The following RIMS1 variants were observed in gnomAD, a reference collection of about 807,000 sequenced individuals.
RIMS1 encodes regulating synaptic membrane exocytosis 1, also known as regulating synaptic membrane exocytosis protein 1.
Under a neutral mutation model 214.1 loss-of-function variants are expected in RIMS1, and 83 were observed. The ratio of observed to expected loss-of-function variants is 0.39; its 90% CI spans 0.32 to 0.47. RIMS1 has a LOEUF of 0.47. Ranked by LOEUF, RIMS1 falls within the 20% of genes least tolerant of loss-of-function variation. The pLI is 0.99. For missense variants in RIMS1, 2,050 were observed against 2,161.8 expected, an observed-to-expected ratio of 0.95 and a Z score of 1.03; for synonymous variants, 793 against 786.8, an observed-to-expected ratio of 1.01 and a Z score of -0.13.
Position 71,886,803 on chromosome 6 carries a change from G to T in RIMS1, c.-221G>T. The T allele has an allele frequency of 1.7e-6, 1 of 572,884 alleles. No homozygotes were observed. The highest frequency in any genetic ancestry group is 3.0e-6 in the Non-Finnish European group (1 of 327,948). The allele number at this position is 572,884 out of a possible 1,614,324, so 35.5% of individuals were successfully genotyped here. On this transcript the variant is annotated 5_prime_UTR_variant, in exon 1 of 34. It adds an upstream start codon to the 5' untranslated region. Transcript: ENST00000521978. ...GCTTCGCTAGGGCGACCAAAACAAA[G>T]GCAGCATCCGGGGCTGGGTGGATGC... is the stretch of plus-strand genomic sequence containing the variant.
At chr6:72,063,900 G>A (rs541654350) in intron 2 of RIMS1, among the ~76,000 whole-genome samples, 22 of 152,284 alleles carry the variant, frequency 1.4e-4, no homozygotes, top group African/African-American at 4.6e-4. Context: ...TTCCTTCTGA[G>A]GCCTCATTGG....
At chr6:72,077,079 G>T (rs1476013510) in intron 2 of RIMS1, among the ~76,000 whole-genome samples, 1 of 152,108 alleles carries the variant, frequency 6.6e-6, no homozygotes, top group East Asian at 1.9e-4. Context: ...TTCCTGTCCA[G>T]CCTTTGCACG....
At chr6:72,139,713 T>C (rs1344677963) in intron 4 of RIMS1, among the ~76,000 whole-genome samples, 1 of 152,108 alleles carries the variant, frequency 6.6e-6, no homozygotes, top group African/African-American at 2.4e-5. Context: ...TATATATAGT[T>C]CTTTATTTTT....
chr6:71,994,015 C>T (rs542830919), intron 2 of RIMS1, among the ~76,000 whole-genome samples: 29 of 152,238 alleles, frequency 1.9e-4, no homozygotes, highest in Non-Finnish European at 4.1e-4. Flanking sequence ...AAAAATGTAT[C>T]TTTGTGTGAC....
intron 1 of RIMS1, among the ~76,000 whole-genome samples, chr6:71,912,927 A>G (rs1449472464): frequency 6.6e-6 from 1 of 152,156 alleles, no homozygotes; most frequent in East Asian, 1.9e-4. Context: ...CTAAGTAAAA[A>G]CAAATGTGAA....
intron 6 of RIMS1, among the ~76,000 whole-genome samples, chr6:72,218,690 A>T (rs1238582825): frequency 1.3e-5 from 2 of 152,030 alleles, no homozygotes; most frequent in Non-Finnish European, 2.9e-5. Flanking sequence ...AATAGTAGAC[A>T]CCCACCATTA....
chr6:72,353,151 G>GT (rs111652061), intron 29 of RIMS1, among the ~76,000 whole-genome samples: 4 of 151,476 alleles, frequency 2.6e-5, no homozygotes, highest in Non-Finnish European at 5.9e-5. Context: ...CGCTCAGCTA[G>GT]TTTTTTTATT....
At chr6:72,145,591 A>G in intron 4 of RIMS1, among the ~76,000 whole-genome samples, 1 of 152,078 alleles carries the variant, frequency 6.6e-6, no homozygotes, top group East Asian at 1.9e-4. Flanking sequence ...CAGCCTGGTG[A>G]CAGAGTGAGA....
At chr6:72,080,494 C>T (rs1456172137) in intron 2 of RIMS1, among the ~76,000 whole-genome samples, 1 of 152,170 alleles carries the variant, frequency 6.6e-6, no homozygotes, top group Non-Finnish European at 1.5e-5. Flanking sequence ...CTATTACAAA[C>T]ATAGGAGCCA....
At chr6:72,059,349 C>G (rs997941841) in intron 2 of RIMS1, among the ~76,000 whole-genome samples, 1 of 152,152 alleles carries the variant, frequency 6.6e-6, no homozygotes, top group Admixed American at 6.5e-5. Flanking sequence ...TCCTCTGCCT[C>G]CTGAGTAGCT....
At chr6:71,930,846 G>A (rs908871189) in intron 1 of RIMS1, among the ~76,000 whole-genome samples, 3 of 151,974 alleles carry the variant, frequency 2.0e-5, no homozygotes, top group Non-Finnish European at 4.4e-5. Flanking sequence ...GGTCAGGACT[G>A]GAAAAATCAG....
intron 27 of RIMS1, among the ~76,000 whole-genome samples, chr6:72,310,030 A>G (rs183587025): frequency 6.6e-5 from 10 of 152,246 alleles, no homozygotes; most frequent in African/African-American, 2.4e-4. Flanking sequence ...GGCTATAATT[A>G]AGAGCCAGTA....
At chr6:72,099,628 T>C (rs564230139) in intron 3 of RIMS1, among the ~76,000 whole-genome samples, 1 of 152,256 alleles carries the variant, frequency 6.6e-6, no homozygotes, top group East Asian at 1.9e-4. Context: ...AAAATATTTT[T>C]CAATAATAGG....
intron 2 of RIMS1, among the ~76,000 whole-genome samples, chr6:72,023,050 T>C (rs1815225283): frequency 6.6e-6 from 1 of 152,164 alleles, no homozygotes; most frequent in South Asian, 2.1e-4. Flanking sequence ...TGGAAACAGT[T>C]GAGAATTGCA....
chr6:72,394,152 T>C (rs1490575050), intron 31 of RIMS1, among the ~76,000 whole-genome samples: 2 of 152,066 alleles, frequency 1.3e-5, no homozygotes, highest in African/African-American at 2.4e-5. Flanking sequence ...CAAAGCAGCG[T>C]TCAAATTGGG....
intron 4 of RIMS1, among the ~76,000 whole-genome samples, chr6:72,171,006 CAG>C (rs1471460680): frequency 2.0e-5 from 3 of 151,900 alleles, no homozygotes; most frequent in Non-Finnish European, 4.4e-5. Flanking sequence ...TACTGAAGCA[CAG>C]AGAGAAGATA....
chr6:72,322,754 C>T (rs1249473778), intron 28 of RIMS1, among the ~76,000 whole-genome samples: 3 of 151,994 alleles, frequency 2.0e-5, no homozygotes, highest in South Asian at 2.1e-4. Flanking sequence ...AATTTGGTGA[C>T]ATAGGATAAT....
At chr6:72,158,380 T>G (rs957186368) in intron 4 of RIMS1, among the ~76,000 whole-genome samples, 2 of 140,942 alleles carry the variant, frequency 1.4e-5, no homozygotes, top group African/African-American at 4.9e-5. Flanking sequence ...AAATAATGTG[T>G]CTTTTATCTC....
At chr6:72,199,164 A>G (rs1026254319) in intron 6 of RIMS1, among the ~76,000 whole-genome samples, 4 of 152,140 alleles carry the variant, frequency 2.6e-5, no homozygotes, top group Non-Finnish European at 4.4e-5. Flanking sequence ...AATGAGTTAC[A>G]TGACATCATA....
Sources: gnomAD v4.1 joint callset for allele counts (sites outside exome capture counted in the v4.1 genomes callset) on GRCh38, gnomAD v4.1.1 for gene constraint, MANE v1.5 for transcripts, NCBI Gene and HGNC (gene_info 2026-07-23, HGNC 2026-07-21) for gene names.